Variants in CSPG5 observed in about 807,000 individuals in gnomAD.
The protein encoded by CSPG5 is acidic leucine-rich EGF-like domain-containing brain protein.
CSPG5 carries 25 observed loss-of-function variants against 39.8 expected under a neutral mutation model. That is an observed-to-expected ratio of 0.63 (90% CI 0.46 to 0.88). CSPG5 has a LOEUF of 0.88. CSPG5 is among the 40% of genes least tolerant of loss of function. CSPG5 has a pLI of 0.00. For synonymous variants in CSPG5, 295 were observed against 303.9 expected (o/e 0.97, Z 0.31); for missense variants, 627 against 702.2 (o/e 0.89, Z 1.21).
At chr3:47,565,788 C>G (rs1431903196) in intron 4 of CSPG5, among the ~76,000 whole-genome samples, 1 of 152,200 alleles carries the variant, frequency 6.6e-6, no homozygotes, top group African/African-American at 2.4e-5. Flanking sequence ...CCCCCATGGT[C>G]TCGACAGCAC....
At chr3:47,565,913 C>T (rs2031279712) in intron 4 of CSPG5, among the ~76,000 whole-genome samples, 1 of 152,184 alleles carries the variant, frequency 6.6e-6, no homozygotes, top group African/African-American at 2.4e-5. Context: ...CTCTGTGCCT[C>T]CTGACATACC....
At chr3:47,569,383 C>A (rs1476490518) in intron 3 of CSPG5, among the ~76,000 whole-genome samples, 156 bp from the exon 4 acceptor site, 2 of 151,742 alleles carry the variant, frequency 1.3e-5, no homozygotes, top group Non-Finnish European at 2.9e-5. Flanking sequence ...GTGGGCAGAT[C>A]ACTCGAGGTC....
At chr3:47,570,739 CTCGTGATCCACCCA>C (rs1376073956) in intron 3 of CSPG5, among the ~76,000 whole-genome samples, 1 of 152,060 alleles carries the variant, frequency 6.6e-6, no homozygotes, top group African/African-American at 2.4e-5. Context: ...AACTCCTGAC[CTCGTGATCCACCCA>C]TCGTGATCCA....
At position 47,563,106 on chromosome 3, in the gene CSPG5, C is replaced by A. The variant is rs564161966; in HGVS notation, c.1459-345G>T. Among the ~76,000 whole-genome samples the A allele has an allele frequency of 2.6e-5, 4 of 152,294 alleles. No individual in the cohort carries two copies. The South Asian group carries it at 8.3e-4, about 32-fold the overall frequency. On this transcript the variant is annotated intron_variant, in intron 4 of 4. Transcript: ENST00000264723. ...TCATGTGTTGATGAGCTCTGCGGGGCCTGCTGAGCCCGGCCTTCCTCTGGC... is the reference window on the plus strand; with the variant it reads ...TCATGTGTTGATGAGCTCTGCGGGGACTGCTGAGCCCGGCCTTCCTCTGGC...
chr3:47,566,885 C>T (rs376566374), intron 4 of CSPG5, among the ~76,000 whole-genome samples: 1 of 152,202 alleles, frequency 6.6e-6, no homozygotes, highest in East Asian at 1.9e-4. Context: ...CTGCCTGTGG[C>T]CAACCACACA....
At position 47,576,824 on chromosome 3, in the gene CSPG5, T is replaced by C. The variant is rs1248104381; in HGVS notation, c.1193+9A>G. The C allele has an allele frequency of 1.3e-6, 2 of 1,542,280 alleles. No individual in the cohort carries two copies. Among genetic ancestry groups the C allele is most frequent in the East Asian group, 2.3e-5 (1 of 44,250 alleles). On this transcript the variant is annotated intron_variant, in intron 2 of 4. Coordinates refer to ENST00000264723, the MANE Select transcript of CSPG5 (RefSeq NM_006574.4). ...AGTGTCCCTATGCACCTGCCTGCCATGCCCTTACCTGCAGAAGGCCCCTAT... is the reference window on the plus strand; with the variant it reads ...AGTGTCCCTATGCACCTGCCTGCCACGCCCTTACCTGCAGAAGGCCCCTAT...
intron 4 of CSPG5, among the ~76,000 whole-genome samples, chr3:47,567,911 C>T (rs2108193138): frequency 6.6e-6 from 1 of 152,318 alleles, no homozygotes; most frequent in East Asian, 1.9e-4. Context: ...ACTCAGGAGG[C>T]TGAGGCAGGG....
At position 47,572,653 on chromosome 3, in the gene CSPG5, AC is replaced by A. The variant is rs769136946; in HGVS notation, c.1382+32del. 3.1e-6 allele frequency: 5 copies of A among 1,595,874 alleles called. No homozygotes were observed. Among genetic ancestry groups the A allele is most frequent in the Non-Finnish European group, 4.3e-6 (5 of 1,165,038 alleles). On this transcript the variant is annotated intron_variant, in intron 3 of 4. Coordinates refer to ENST00000264723, the MANE Select transcript of CSPG5 (RefSeq NM_006574.4). The surrounding 1 kb of genome is among the most constrained non-coding windows in gnomAD (Gnocchi z 4.5). The stretch of plus-strand genomic sequence containing the variant: ...GCGTCGGGGGGCCTCCCACACCCTG[AC>A]CTGGGTGGATGGGTGAGTGACACAG...
chr3:47,574,585 A>G (rs1330946852), intron 2 of CSPG5, among the ~76,000 whole-genome samples: 6 of 152,198 alleles, frequency 3.9e-5, no homozygotes, highest in Admixed American at 3.9e-4. Flanking sequence ...CAATGGCTGG[A>G]CCACTCCAAG....
chr3:47,570,328 C>T (rs1437611105), intron 3 of CSPG5, among the ~76,000 whole-genome samples: 3 of 151,724 alleles, frequency 2.0e-5, no homozygotes, highest in South Asian at 2.1e-4. Flanking sequence ...GGACTCGAAC[C>T]CTTGGGCTCA....
At chr3:47,575,968 G>C (rs12636198) in intron 2 of CSPG5, among the ~76,000 whole-genome samples, 1 of 127,702 alleles carries the variant, frequency 7.8e-6, no homozygotes, top group Admixed American at 9.0e-5. Context: ...ACAGAGTTTC[G>C]CTCTTGCTGC....
chr3:47,564,242 G>A (rs2031203574), intron 4 of CSPG5, among the ~76,000 whole-genome samples: 1 of 152,180 alleles, frequency 6.6e-6, no homozygotes, highest in South Asian at 2.1e-4. Flanking sequence ...GCCCTCGTCT[G>A]TGCTGCCTGC....
In CSPG5 at chr3:47,578,247, C is replaced by A; in HGVS notation, c.98-319G>T. ...ATAAGTCTCACCCTCGGGAACCCAC[C>A]CTGAGCCGCGTCCACTGGCTCCCGC... On this transcript the variant is annotated intron_variant, in intron 1 of 4. Coordinates refer to ENST00000264723, the MANE Select transcript of CSPG5 (RefSeq NM_006574.4). The surrounding 1 kb of genome is among the most constrained non-coding windows in gnomAD (Gnocchi z 6.0). 1 of 307,332 alleles carries A rather than the reference C, an allele frequency of 3.3e-6. No individual in the cohort carries two copies. The highest frequency in any genetic ancestry group is 5.5e-5 in the East Asian group (1 of 18,152). 19.0% of individuals were successfully genotyped at this position (307,332 alleles called of 1,614,324 possible). A position where few individuals can be genotyped will look rare whatever the true frequency, so the allele number is the denominator to read the frequency against.
chr3:47,569,747 T>A (rs930607870), intron 3 of CSPG5, among the ~76,000 whole-genome samples: 1 of 125,856 alleles, frequency 7.9e-6, no homozygotes, highest in Non-Finnish European at 1.7e-5. Flanking sequence ...TTTCTATTCT[T>A]TTCTTTTTTT....
chr3:47,568,431 A>G (rs1371805224), intron 4 of CSPG5, among the ~76,000 whole-genome samples: 1 of 152,234 alleles, frequency 6.6e-6, no homozygotes, highest in Non-Finnish European at 1.5e-5. Flanking sequence ...TTATAAGCCC[A>G]TACTCCTAAG....
intron 2 of CSPG5, among the ~76,000 whole-genome samples, chr3:47,576,341 G>T (rs868801260): frequency 6.6e-5 from 10 of 152,282 alleles, no homozygotes; most frequent in Admixed American, 3.3e-4. Flanking sequence ...GTCACAGGAA[G>T]TGCATTTTAC....
In CSPG5 at chr3:47,578,770, G is replaced by T; in HGVS notation, c.-77C>A. The T allele has an allele frequency of 4.1e-6, 1 of 241,702 alleles. No individual in the cohort carries two copies. The highest frequency in any genetic ancestry group is 6.5e-6 in the Non-Finnish European group (1 of 152,756). 15.0% of individuals were successfully genotyped at this position (241,702 alleles called of 1,614,324 possible). A position where few individuals can be genotyped will look rare whatever the true frequency, so the allele number is the denominator to read the frequency against. The stretch of plus-strand genomic sequence containing the variant: ...GGCTCGCCCGGCCGCCGCGCCTCCC[G>T]CCGGTTCTGCGGCCGCCTCAGCCCA... On this transcript the variant is annotated 5_prime_UTR_variant, in exon 1 of 5. Transcript: ENST00000264723. The surrounding 1 kb of genome is among the most constrained non-coding windows in gnomAD (Gnocchi z 6.0).
chr3:47,577,803 A>C lies in CSPG5; in HGVS notation c.223T>G (p.Trp75Gly). ...GCCAGCTCGCCACCGGGCGCCGTCC[A>C]CGACGCCTCATCTTCCCCAGCCGCT... ...PPAAGEDEAS[W>G]TAPGGELAGP... is the part of the protein sequence containing the mutation. Residue 75 changes from tryptophan to glycine, a missense_variant, in exon 2 of 5, where the codon TGG becomes GGG. Physicochemically the swap from Trp to Gly is radical, Grantham distance 184. Transcript: ENST00000264723. The surrounding 1 kb of genome is among the most constrained non-coding windows in gnomAD (Gnocchi z 4.7). The C allele has an allele frequency of 6.3e-7, 1 of 1,581,402 alleles. No homozygotes were observed. The highest frequency in any genetic ancestry group is 2.3e-5 in the East Asian group (1 of 43,198).
chr3:47,574,141 C>A (rs1167537827), intron 2 of CSPG5, among the ~76,000 whole-genome samples: 1 of 152,168 alleles, frequency 6.6e-6, no homozygotes, highest in Non-Finnish European at 1.5e-5. Flanking sequence ...CTGGAGTGGA[C>A]ACGTGGAGAA....
Sources: gnomAD v4.1 joint callset for allele counts (sites outside exome capture counted in the v4.1 genomes callset) on GRCh38, gnomAD v4.1.1 for gene constraint, Gnocchi (gnomAD v3.1) non-coding constraint, MANE v1.5 for transcripts, NCBI Gene and HGNC (gene_info 2026-07-23, HGNC 2026-07-21) for gene names.